SAMD8: variants seen among roughly 807,000 people sequenced by gnomAD.
SAMD8 encodes the protein sphingomyelin synthase-related protein 1.
In SAMD8, 20 loss-of-function variants were observed where a neutral mutation model predicts 42.0. The observed-to-expected ratio is 0.48, with a 90% CI of 0.34 to 0.69. SAMD8 has a LOEUF of 0.69. Among genes scored for constraint, SAMD8 ranks in the 30% least tolerant of loss-of-function variants. The pLI is 0.01. For missense variants in SAMD8, 328 were observed against 511.6 expected (o/e 0.64, Z 3.46); for synonymous variants, 162 against 173.0 (o/e 0.94, Z 0.50).
At chr10:75,147,695 G>T (rs1399017080) in intron 1 of SAMD8, among the ~76,000 whole-genome samples, 2 of 152,330 alleles carry the variant, frequency 1.3e-5, no homozygotes, top group East Asian at 1.9e-4. Context: ...ATTATAGCAT[G>T]TGCTTGTTGG....
chr10:75,130,922 C>G (rs1849261070), intron 1 of SAMD8, among the ~76,000 whole-genome samples: 1 of 152,122 alleles, frequency 6.6e-6, no homozygotes, highest in Non-Finnish European at 1.5e-5. Context: ...CAGAATAGTG[C>G]CTGAGCATTC....
rs1312723979 is a variant in SAMD8 at position 75,178,352 on chromosome 10, A to G, written c.*1660A>G. ...GATATCTTAAATCACTGATTCTGTT[A>G]CATGCTAGGAACAAAATGCCAACAT... On this transcript the variant is annotated 3_prime_UTR_variant, in exon 6 of 6. Transcript: ENST00000542569. 1 of 152,248 alleles carries G rather than the reference A, an allele frequency of 6.6e-6. No homozygotes were observed. The highest frequency in any genetic ancestry group is 1.5e-5 in the Non-Finnish European group (1 of 68,046). 9.4% of individuals were successfully genotyped at this position (152,248 alleles called of 1,614,324 possible).
At chr10:75,153,990 C>T (rs1279379978) in intron 2 of SAMD8, among the ~76,000 whole-genome samples, 1 of 152,102 alleles carries the variant, frequency 6.6e-6, no homozygotes, top group East Asian at 1.9e-4. Context: ...TGGTCTCGAA[C>T]TCCTGACTCA....
At position 75,176,595 on chromosome 10, in the gene SAMD8, T is replaced by C. The variant is rs1840995218; in HGVS notation, c.1151T>C (p.Met384Thr). 6.4e-7 allele frequency: 1 copy of C among 1,550,474 alleles called. No homozygotes were observed. Among genetic ancestry groups the C allele is most frequent in the African/African-American group, 1.4e-5 (1 of 73,058 alleles). ...QSRRARIWFP[M>T]FSFFECNVNG... ...AGGAGAGCAAGGATTTGGTTTCCCATGTTCTCTTTTTTTGAATGCAATGTT... is the reference window on the plus strand; with the variant it reads ...AGGAGAGCAAGGATTTGGTTTCCCACGTTCTCTTTTTTTGAATGCAATGTT... Residue 384 changes from methionine to threonine, a missense_variant, in exon 6 of 6, where the codon ATG (methionine) becomes ACG (threonine). Coordinates refer to ENST00000542569, the MANE Select transcript of SAMD8 (RefSeq NM_001174156.2). This position sits in a 1 kb window ranked among gnomAD's most constrained non-coding sequence, Gnocchi z 4.3.
chr10:75,105,662 T>C (rs770272452), intron 1 of SAMD8: 19 of 1,548,378 alleles, frequency 1.2e-5, no homozygotes, highest in Middle Eastern at 4.6e-4. Flanking sequence ...AGGCCTCACC[T>C]GGCCCCTCAG....
chr10:75,152,720 G>A (rs1840321284), intron 2 of SAMD8, among the ~76,000 whole-genome samples: 1 of 151,810 alleles, frequency 6.6e-6, no homozygotes, highest in Non-Finnish European at 1.5e-5. Flanking sequence ...TTAAAAATTA[G>A]CCAAGCATGA....
intron 1 of SAMD8, among the ~76,000 whole-genome samples, chr10:75,133,217 A>G (rs1261057213): frequency 6.9e-6 from 1 of 144,406 alleles, no homozygotes; most frequent in Non-Finnish European, 1.5e-5. Context: ...CCTGGGCAGC[A>G]TGGCAAAACC....
At chr10:75,111,208 G>C (rs535847966), upstream of SAMD8, among the ~76,000 whole-genome samples, 12 of 152,226 alleles carry the variant, frequency 7.9e-5, no homozygotes, top group Non-Finnish European at 1.6e-4. Flanking sequence ...ATCATTGGGG[G>C]CTGGCTATTG....
In SAMD8 at chr10:75,105,208, G is replaced by A. The variant is rs529242255; in HGVS notation, c.-16+5480G>A. On this transcript the variant is annotated intron_variant, in intron 1 of 3. Transcript: ENST00000447533. Reference sequence around the variant, plus strand: ...TGTACCTGGGGTCCAGACCTAGGGGGAAGGGGATGTGGAGGTTCAGGAGGG... The same window carrying A: ...TGTACCTGGGGTCCAGACCTAGGGGAAAGGGGATGTGGAGGTTCAGGAGGG... 5.3e-5 allele frequency among the ~76,000 whole-genome samples: 8 copies of A among 152,306 alleles called. No individual in the cohort carries two copies. In the South Asian group the frequency reaches 6.2e-4, roughly 12 times the overall value.
upstream of SAMD8, among the ~76,000 whole-genome samples, chr10:75,107,284 G>A (rs1353806799): frequency 6.6e-6 from 1 of 151,926 alleles, no homozygotes; most frequent in African/African-American, 2.4e-5. Context: ...GAACCCAGGA[G>A]GCGGAGGAGC....
At chr10:75,105,234 T>C (rs1408012996) in intron 1 of SAMD8, among the ~76,000 whole-genome samples, 1 of 151,994 alleles carries the variant, frequency 6.6e-6, no homozygotes, top group Admixed American at 6.6e-5. Context: ...TTCAGGAGGG[T>C]CCAGGCTGGC....
intron 1 of SAMD8, among the ~76,000 whole-genome samples, chr10:75,141,538 C>CTTTTTT (rs60925019): frequency 7.4e-6 from 1 of 134,826 alleles, no homozygotes. Context: ...ATGCCTTTTA[C>CTTTTTT]TTTTTTTTTT....
At chr10:75,147,984 A>C (rs1188024609) in intron 1 of SAMD8, among the ~76,000 whole-genome samples, 6 of 152,202 alleles carry the variant, frequency 3.9e-5, no homozygotes, top group Admixed American at 3.9e-4. Flanking sequence ...TCCATAATGC[A>C]TAAGAATTAG....
At chr10:75,152,568 G>A (rs1163517892) in intron 2 of SAMD8, among the ~76,000 whole-genome samples, 1 of 146,652 alleles carries the variant, frequency 6.8e-6, no homozygotes, top group Non-Finnish European at 1.5e-5. Context: ...GAATAGAACA[G>A]TAGGCCAGGC....
chr10:75,121,444 C>T (rs542965126), intron 1 of SAMD8, among the ~76,000 whole-genome samples: 2 of 152,162 alleles, frequency 1.3e-5, no homozygotes, highest in African/African-American at 4.8e-5. Context: ...CATTTCTAAC[C>T]TAAGAACTCT....
At chr10:75,160,266 G>A (rs529688726) in intron 2 of SAMD8, among the ~76,000 whole-genome samples, 3 of 151,928 alleles carry the variant, frequency 2.0e-5, no homozygotes, top group Admixed American at 6.6e-5. Context: ...GCGCGATCTC[G>A]GCTCACTGCA....
chr10:75,124,429 G>T (rs942164826), intron 1 of SAMD8, among the ~76,000 whole-genome samples: 1 of 151,980 alleles, frequency 6.6e-6, no homozygotes, highest in African/African-American at 2.4e-5. Flanking sequence ...TCTGGCCAAC[G>T]TGGTGAAACC....
intron 1 of SAMD8, among the ~76,000 whole-genome samples, chr10:75,133,828 G>A (rs539185372): frequency 1.3e-5 from 2 of 152,330 alleles, no homozygotes; most frequent in South Asian, 2.1e-4. Flanking sequence ...AGGAGAGGAG[G>A]ATGGATAGAG....
chr10:75,171,933 G>A (rs577384209), intron 4 of SAMD8, among the ~76,000 whole-genome samples: 1 of 151,352 alleles, frequency 6.6e-6, no homozygotes, highest in Admixed American at 6.6e-5. Context: ...GGCTGAGGCA[G>A]AAGAATCACT....
Sources: gnomAD v4.1 joint callset for allele counts (sites outside exome capture counted in the v4.1 genomes callset) on GRCh38, gnomAD v4.1.1 for gene constraint, Gnocchi (gnomAD v3.1) non-coding constraint, MANE v1.5 for transcripts, NCBI Gene and HGNC (gene_info 2026-07-23, HGNC 2026-07-21) for gene names.